Variants in COL25A1 observed in about 807,000 individuals in gnomAD.
COL25A1 encodes the protein collagen alpha-1(XXV) chain.
A neutral mutation model predicts 128.4 loss-of-function variants in COL25A1; 103 were observed. The ratio of observed to expected loss-of-function variants is 0.80; its 90% CI spans 0.68 to 0.94. COL25A1 has a LOEUF of 0.94. COL25A1 is among the 40% of genes least tolerant of loss of function. COL25A1 has a pLI of 0.00. For missense variants in COL25A1, 745 were observed against 840.0 expected (o/e 0.89, Z 1.40); for synonymous variants, 279 against 277.2 (o/e 1.01, Z -0.06).
intron 6 of COL25A1, among the ~76,000 whole-genome samples, chr4:108,981,654 A>C (rs1275278639): frequency 5.3e-5 from 8 of 152,192 alleles, no homozygotes; most frequent in Non-Finnish European, 1.0e-4. Context: ...ATGCAGATTG[A>C]AATCCTGGCT....
chr4:108,852,706 A>C (rs1735934956), intron 25 of COL25A1, among the ~76,000 whole-genome samples, 196 bp downstream of exon 25: 1 of 152,218 alleles, frequency 6.6e-6, no homozygotes, highest in South Asian at 2.1e-4. Context: ...GAAAATTAGC[A>C]ATCACTTTTT....
chr4:108,869,499 A>C (rs1488886534), intron 19 of COL25A1, among the ~76,000 whole-genome samples: 2 of 152,122 alleles, frequency 1.3e-5, no homozygotes, highest in Non-Finnish European at 2.9e-5. Flanking sequence ...TGGTGACCAA[A>C]ATCAGGTCAC....
intron 3 of COL25A1, among the ~76,000 whole-genome samples, chr4:109,138,137 G>A (rs1416400530): frequency 6.6e-6 from 1 of 151,868 alleles, no homozygotes; most frequent in Non-Finnish European, 1.5e-5. Flanking sequence ...CCCTCCCTTT[G>A]CTCCCATCCC....
chr4:108,886,487 TGTG>T lies in COL25A1; in HGVS notation c.976-2268_976-2266del, dbSNP rs1560806504. Among the ~76,000 whole-genome samples, 315 of 90,012 alleles carry T rather than the reference TGTG, an allele frequency of 3.5e-3. 7 individuals are homozygous for T. The highest frequency in any genetic ancestry group is 5.2e-3 in the African/African-American group (153 of 29,396). The allele number at this position is 90,012 out of a possible 152,430, so 59.1% of individuals were successfully genotyped here. On this transcript the variant is annotated intron_variant, in intron 18 of 37. Coordinates refer to ENST00000399132, the MANE Select transcript of COL25A1 (RefSeq NM_198721.4). ...GTGTGTGTGTGTGTGTGTGTGTGTG[TGTG>T]TGTTTAGCTCATCAGCTATTTTATG... is the stretch of plus-strand genomic sequence containing the variant.
At chr4:108,913,354 G>A (rs1043424087) in intron 13 of COL25A1, among the ~76,000 whole-genome samples, 7 of 140,556 alleles carry the variant, frequency 5.0e-5, no homozygotes, top group Non-Finnish European at 6.0e-5. Context: ...TGCAACCTCC[G>A]CCTCCAGGGT....
At chr4:109,271,093 C>T (rs1342148698) in intron 3 of COL25A1, among the ~76,000 whole-genome samples, 2 of 152,168 alleles carry the variant, frequency 1.3e-5, no homozygotes, top group Non-Finnish European at 2.9e-5. Flanking sequence ...TGAGCCCCTT[C>T]CACTGGCTAC....
chr4:108,907,980 T>G (rs1743729685), intron 13 of COL25A1, among the ~76,000 whole-genome samples: 1 of 152,212 alleles, frequency 6.6e-6, no homozygotes, highest in African/African-American at 2.4e-5. Flanking sequence ...AATATTTGCT[T>G]TCTTCCAACT....
At chr4:108,960,471 G>T (rs931435252) in intron 8 of COL25A1, among the ~76,000 whole-genome samples, 7 of 152,024 alleles carry the variant, frequency 4.6e-5, no homozygotes, top group African/African-American at 1.7e-4. Context: ...TATGCCAGTG[G>T]TTTAAAATCT....
At chr4:108,982,705 G>A (rs1753111165) in intron 6 of COL25A1, among the ~76,000 whole-genome samples, 1 of 152,150 alleles carries the variant, frequency 6.6e-6, no homozygotes, top group Non-Finnish European at 1.5e-5. Flanking sequence ...AGACCAAGCA[G>A]AGGGGGTGGG....
At chr4:109,264,022 CA>C (rs1422902781) in intron 3 of COL25A1, among the ~76,000 whole-genome samples, 1 of 151,884 alleles carries the variant, frequency 6.6e-6, no homozygotes, top group Non-Finnish European at 1.5e-5. Flanking sequence ...CAAGAAGTAA[CA>C]AAAAAGGATT....
In COL25A1 at chr4:108,907,280, A is replaced by T. The variant is rs553958200; in HGVS notation, c.781-6108T>A. 3.9e-5 allele frequency among the ~76,000 whole-genome samples: 6 copies of T among 152,244 alleles called. No individual in the cohort carries two copies. In the South Asian group the frequency reaches 1.2e-3, roughly 32 times the overall value. The stretch of plus-strand genomic sequence containing the variant: ...GGACTCTGTTGGGGGAAGAGTGTTT[A>T]CCTAGAGGACTAAAGGCTCCAACAA... On this transcript the variant is annotated intron_variant, in intron 13 of 37. Transcript: ENST00000399132.
rs985236588 is a variant in COL25A1, at chr4:108,911,613, C to T, written c.780+6559G>A. On this transcript the variant is annotated intron_variant, in intron 13 of 37. Transcript: ENST00000399132. ...CAATGAATGACTGAGGAAATTAATA[C>T]GTTAATCAATGAGTACATTTAAGGG... Among the ~76,000 whole-genome samples, 8 of 152,084 alleles carry T rather than the reference C, an allele frequency of 5.3e-5. No individual in the cohort carries two copies. In the South Asian group the frequency reaches 1.0e-3, roughly 20 times the overall value.
At chr4:109,288,958 T>TACAC (rs1254726551) in intron 3 of COL25A1, among the ~76,000 whole-genome samples, 1 of 69,652 alleles carries the variant, frequency 1.4e-5, no homozygotes, top group African/African-American at 6.6e-5. Context: ...TACTAAATTA[T>TACAC]ATATACACAC....
chr4:108,827,213 A>AATCATACACACCCACCTACATTCAC, intron 32 of COL25A1, 25 bp from the exon 33 acceptor site: 1 of 1,600,734 alleles, frequency 6.2e-7, no homozygotes. Flanking sequence ...AGAAAGTTCA[A>AATCATACACACCCACCTACATTCAC]ATCATACACA....
chr4:108,879,122 A>G (rs1006075014), intron 19 of COL25A1, among the ~76,000 whole-genome samples: 1 of 152,220 alleles, frequency 6.6e-6, no homozygotes, highest in African/African-American at 2.4e-5. Context: ...GGAATGCCAG[A>G]GTAAATGCTT....
intron 5 of COL25A1, chr4:109,021,680 C>G (rs2125901253): frequency 2.2e-6 from 1 of 451,694 alleles, no homozygotes; most frequent in South Asian, 1.6e-5. Context: ...TGCAGAGAGC[C>G]TATAAATGGA....
intron 3 of COL25A1, among the ~76,000 whole-genome samples, chr4:109,262,597 A>G (rs1275810262): frequency 1.3e-5 from 2 of 152,168 alleles, no homozygotes; most frequent in Non-Finnish European, 2.9e-5. Flanking sequence ...ATTATACTAT[A>G]TGTTAAGAAC....
At chr4:108,934,007 T>C (rs1385954040) in intron 11 of COL25A1, among the ~76,000 whole-genome samples, 1 of 152,152 alleles carries the variant, frequency 6.6e-6, no homozygotes, top group Non-Finnish European at 1.5e-5. Context: ...GGATTATAAA[T>C]CATGCTACTA....
At chr4:109,255,547 C>A (rs1302252615) in intron 3 of COL25A1, among the ~76,000 whole-genome samples, 2 of 152,118 alleles carry the variant, frequency 1.3e-5, no homozygotes, top group African/African-American at 4.8e-5. Context: ...TATGGAAACC[C>A]CTTCCCTCCT....
Sources: allele counts gnomAD v4.1 joint callset (sites outside exome capture counted in the v4.1 genomes callset), GRCh38; gene constraint gnomAD v4.1.1; transcripts MANE v1.5; gene names NCBI Gene and HGNC (gene_info 2026-07-23, HGNC 2026-07-21).